Variants in TTC28 observed in about 807,000 individuals in gnomAD.
TTC28 encodes the protein tetratricopeptide repeat protein 28.
Under a neutral mutation model 198.0 loss-of-function variants are expected in TTC28, and 61 were observed. The observed-to-expected ratio is 0.31, with a 90% CI of 0.25 to 0.38. The LOEUF is 0.38. Ranked by LOEUF, TTC28 falls within the 10% of genes least tolerant of loss-of-function variation. The pLI is 1.00. For synonymous variants in TTC28, 1,171 were observed against 1,297.8 expected (o/e 0.90, Z 2.10); for missense variants, 2,678 against 3,164.0 (o/e 0.85, Z 3.69).
intron 5 of TTC28, among the ~76,000 whole-genome samples, chr22:28,183,041 C>T (rs1048872122): frequency 2.0e-5 from 3 of 150,204 alleles, no homozygotes; most frequent in Non-Finnish European, 4.4e-5. Context: ...CAATAAACCC[C>T]TTCAATGTCT....
chr22:28,018,281 G>GTA (rs1938451513), intron 13 of TTC28, among the ~76,000 whole-genome samples: 1 of 130,338 alleles, frequency 7.7e-6, no homozygotes, highest in Non-Finnish European at 1.6e-5. Flanking sequence ...GTGTGTGTAT[G>GTA]TGTGTGCGCG....
chr22:28,132,291 G>C (rs1392897157), intron 6 of TTC28, among the ~76,000 whole-genome samples: 1 of 152,216 alleles, frequency 6.6e-6, no homozygotes, highest in East Asian at 1.9e-4. Context: ...CAAATCTTTT[G>C]ATATGGAAAG....
At chr22:28,242,862 C>T (rs559046202) in intron 5 of TTC28, among the ~76,000 whole-genome samples, 1 of 151,764 alleles carries the variant, frequency 6.6e-6, no homozygotes. Context: ...ATTAAATTGA[C>T]ATCAAATTGG....
At chr22:28,174,328 T>C (rs1038868771) in intron 5 of TTC28, among the ~76,000 whole-genome samples, 7 of 152,230 alleles carry the variant, frequency 4.6e-5, no homozygotes, top group Admixed American at 2.0e-4. Context: ...TTTTAGATTT[T>C]AGTTTTTCTT....
intron 2 of TTC28, among the ~76,000 whole-genome samples, chr22:28,354,153 C>T (rs963686450): frequency 6.6e-6 from 1 of 152,082 alleles, no homozygotes. Context: ...ATAGAAATAC[C>T]ATATAATCTA....
In TTC28 at chr22:27,981,229, AATTTTTTTTTTTTTTTTTTT is replaced by A. The variant is rs926520817; in HGVS notation, c.*972_*991del. 4.1e-5 allele frequency: 3 copies of A among 72,686 alleles called. No individual in the cohort carries two copies. Among genetic ancestry groups the A allele is most frequent in the African/African-American group, 1.5e-4 (3 of 20,420 alleles). The allele number at this position is 72,686 out of a possible 1,614,324, so 4.5% of individuals were successfully genotyped here. On this transcript the variant is annotated 3_prime_UTR_variant, in exon 23 of 23. Transcript: ENST00000397906. ...CTGGTTAAATCTAGTTAGCCATGGA[AATTTTTTTTTTTTTTTTTTT>A]TTTTTTTTTTTTTTTTTTGCTTATA...
At chr22:28,419,636 A>G (rs1231694711) in intron 2 of TTC28, among the ~76,000 whole-genome samples, 2 of 152,232 alleles carry the variant, frequency 1.3e-5, no homozygotes, top group Non-Finnish European at 2.9e-5. Flanking sequence ...TAAATAAGAA[A>G]ACAAACACCT....
chr22:28,158,385 T>C (rs4820782), intron 6 of TTC28, among the ~76,000 whole-genome samples: 109,275 of 152,012 alleles, frequency 0.72, 39,542 homozygotes, highest in African/African-American at 0.8. Flanking sequence ...CCAATGACAT[T>C]CTTCAAGGAA....
At chr22:28,159,623 C>T in intron 6 of TTC28, among the ~76,000 whole-genome samples, 1 of 142,646 alleles carries the variant, frequency 7.0e-6, no homozygotes, top group Non-Finnish European at 1.5e-5. Flanking sequence ...CATGCCACTG[C>T]ATTCCAGCCT....
intron 1 of TTC28, among the ~76,000 whole-genome samples, chr22:28,654,250 C>T (rs1013528093): frequency 6.6e-6 from 1 of 152,328 alleles, no homozygotes; most frequent in Admixed American, 6.5e-5. Flanking sequence ...ACACCCAAGG[C>T]AGCTTATGCC....
At chr22:28,298,470 A>G (rs747100194) in intron 3 of TTC28, among the ~76,000 whole-genome samples, 9 of 152,070 alleles carry the variant, frequency 5.9e-5, no homozygotes, top group Non-Finnish European at 1.2e-4. Flanking sequence ...TTTGTTTGTG[A>G]CAGGTCTTGC....
Position 28,629,872 on chromosome 22 carries a change from C to T in TTC28, c.103-42G>A, listed in dbSNP as rs969579244. 3.3e-6 allele frequency: 5 copies of T among 1,497,596 alleles called. No individual in the cohort carries two copies. The Admixed American group carries it at 6.7e-5, about 20-fold the overall frequency. 92.8% of individuals were successfully genotyped at this position (1,497,596 alleles called of 1,614,324 possible). ...TTTATCAGAAAAAGTTCAGATAATCCAGATGGGTTCCCCATCTGCTAAGAT... is the reference window on the plus strand; with the variant it reads ...TTTATCAGAAAAAGTTCAGATAATCTAGATGGGTTCCCCATCTGCTAAGAT... On this transcript the variant is annotated intron_variant, in intron 1 of 22. Coordinates refer to ENST00000397906, the MANE Select transcript of TTC28 (RefSeq NM_001145418.2).
At chr22:28,115,311 C>T (rs1423429299) in intron 6 of TTC28, among the ~76,000 whole-genome samples, 1 of 152,224 alleles carries the variant, frequency 6.6e-6, no homozygotes, top group Admixed American at 6.5e-5. Context: ...CAGGCACACA[C>T]CACCATACCC....
intron 2 of TTC28, among the ~76,000 whole-genome samples, chr22:28,477,835 T>C (rs1426450258): frequency 1.3e-5 from 2 of 152,162 alleles, no homozygotes; most frequent in Admixed American, 6.5e-5. Context: ...GGCTTCACCA[T>C]GAAAACATGC....
intron 12 of TTC28, among the ~76,000 whole-genome samples, chr22:28,092,373 G>A (rs1023790334): frequency 9.9e-5 from 15 of 152,126 alleles, no homozygotes; most frequent in African/African-American, 3.6e-4. Context: ...TATACACAGT[G>A]AGCACTCAAA....
At chr22:28,306,360 C>G in intron 3 of TTC28, 136 bp downstream of exon 3, 1 of 1,051,202 alleles carries the variant, frequency 9.5e-7, no homozygotes. Context: ...GATTCTTGAT[C>G]TTCCTTGGTC....
intron 5 of TTC28, among the ~76,000 whole-genome samples, chr22:28,193,021 T>A (rs556134497): frequency 9.1e-4 from 139 of 152,108 alleles, no homozygotes; most frequent in Middle Eastern, 3.4e-3. Context: ...AAGGAAAAAA[T>A]GCTAAGGGCA....
At chr22:28,545,307 C>T (rs564036840) in intron 2 of TTC28, among the ~76,000 whole-genome samples, 35 of 152,238 alleles carry the variant, frequency 2.3e-4, no homozygotes, top group African/African-American at 8.2e-4. Flanking sequence ...AGGTGGTTTA[C>T]ACCTATAATC....
At chr22:28,257,029 G>C (rs1343622453) in intron 5 of TTC28, among the ~76,000 whole-genome samples, 2 of 152,190 alleles carry the variant, frequency 1.3e-5, no homozygotes, top group Non-Finnish European at 2.9e-5. Flanking sequence ...GATGGAGTGA[G>C]ACCCTGTCTC....
Sources: allele counts gnomAD v4.1 joint callset (sites outside exome capture counted in the v4.1 genomes callset), GRCh38; gene constraint gnomAD v4.1.1; transcripts MANE v1.5; gene names NCBI Gene and HGNC (gene_info 2026-07-23, HGNC 2026-07-21).